Variants in LIPI observed in about 807,000 individuals in gnomAD.
LIPI encodes the protein lipase I, also known as lipase member I.
In LIPI, 59 loss-of-function variants were observed where a neutral mutation model predicts 50.6. The ratio of observed to expected loss-of-function variants is 1.16; its 90% CI spans 0.94 to 1.45. LIPI has a LOEUF of 1.45. Among genes scored for constraint, LIPI ranks in the 40% most tolerant of loss-of-function variants. The pLI, the probability that LIPI is intolerant of heterozygous loss-of-function variation, is 0.00. For missense variants in LIPI, 586 were observed against 536.3 expected (o/e 1.09, Z -0.92); for synonymous variants, 203 against 178.2 (o/e 1.14, Z -1.11).
At chr21:14,192,326 G>A (rs2019704972) in intron 1 of LIPI, among the ~76,000 whole-genome samples, 1 of 152,036 alleles carries the variant, frequency 6.6e-6, no homozygotes, top group Admixed American at 6.5e-5. Flanking sequence ...TTAGCTGGGT[G>A]TGGTTGTGGG....
chr21:14,127,935 G>A (rs922790315), intron 9 of LIPI, among the ~76,000 whole-genome samples: 12 of 151,854 alleles, frequency 7.9e-5, no homozygotes, highest in African/African-American at 2.9e-4. Context: ...GAAAAATGAA[G>A]GATCCAATAA....
In LIPI at chr21:14,195,631, G is replaced by GA. The variant is rs532988555; in HGVS notation, c.47-6213dup. 7.2e-5 allele frequency among the ~76,000 whole-genome samples: 11 copies of GA among 152,194 alleles called. No individual in the cohort carries two copies. In the South Asian group the frequency reaches 2.1e-3, roughly 29 times the overall value. The stretch of plus-strand genomic sequence containing the variant: ...TACGATACACAGTAAACATGAAACA[G>GA]AAAAAAGTGATAAATTGGGCTTTTA... On this transcript the variant is annotated intron_variant, in intron 1 of 9. Coordinates refer to ENST00000681601, the MANE Select transcript of LIPI (RefSeq NM_001302998.2).
At chr21:14,154,863 C>T (rs1001344529) in intron 7 of LIPI, among the ~76,000 whole-genome samples, 1 of 151,944 alleles carries the variant, frequency 6.6e-6, no homozygotes, top group African/African-American at 2.4e-5. Flanking sequence ...TTAAATAGAT[C>T]TCAGATTTTG....
At chr21:14,166,739 C>T (rs1283563698) in intron 4 of LIPI, among the ~76,000 whole-genome samples, 2 of 152,106 alleles carry the variant, frequency 1.3e-5, no homozygotes, top group Admixed American at 1.3e-4. Context: ...GCCAAGATGG[C>T]CGAATAGGAA....
intron 1 of LIPI, among the ~76,000 whole-genome samples, chr21:14,196,172 AC>A (rs2019843708): frequency 7.2e-6 from 1 of 138,332 alleles, no homozygotes. Context: ...AAAAAACAAA[AC>A]AAGAAGTATA....
chr21:14,132,704 T>A (rs1346938905), intron 9 of LIPI, among the ~76,000 whole-genome samples: 6 of 151,666 alleles, frequency 4.0e-5, no homozygotes, highest in Non-Finnish European at 8.8e-5. Context: ...CTACAGAATC[T>A]CATAAAACCA....
chr21:14,199,641 A>T (rs769425728), intron 1 of LIPI, among the ~76,000 whole-genome samples: 12 of 151,524 alleles, frequency 7.9e-5, no homozygotes, highest in Non-Finnish European at 1.5e-4. Context: ...CTGGGACCAC[A>T]TGTATTCACA....
Position 14,108,996 on chromosome 21 carries a change from T to G in LIPI, c.1380A>C (p.Thr460=). 1 of 1,610,786 alleles carries G rather than the reference T, an allele frequency of 6.2e-7. No homozygotes were observed. The highest frequency in any genetic ancestry group is 8.5e-7 in the Non-Finnish European group (1 of 1,177,318). Residue 460 remains threonine (T), a synonymous_variant, in exon 10 of 10, where the codon ACA becomes ACC. Coordinates refer to ENST00000681601, the MANE Select transcript of LIPI (RefSeq NM_001302998.2). The part of the protein sequence containing the change: ...LNPNTCTPKN[T] ...GCATTTGATGGAAGAAGGCATCTTA[T>G]GTGTTCTTTGGTGTACATGTGTTTG... is the stretch of plus-strand genomic sequence containing the variant.
intron 9 of LIPI, among the ~76,000 whole-genome samples, chr21:14,132,103 A>G (rs1323266768): frequency 6.6e-6 from 1 of 152,194 alleles, no homozygotes; most frequent in Non-Finnish European, 1.5e-5. Flanking sequence ...AATTATTGGT[A>G]TTCCAAAGAA....
rs1600913427 is a variant in LIPI, at chr21:14,184,538, A to G, written c.541+1423T>C. Among the ~76,000 whole-genome samples the G allele has an allele frequency of 2.6e-5, 4 of 152,182 alleles. No individual in the cohort carries two copies. The East Asian group carries it at 7.7e-4, about 29-fold the overall frequency. On this transcript the variant is annotated intron_variant, in intron 3 of 9. Coordinates refer to ENST00000681601, the MANE Select transcript of LIPI (RefSeq NM_001302998.2). ...AAAATTCCTAGAAAAAAAGTAAAAT[A>G]TAATGTTTTTCATTTCAAAAACCTC...
chr21:14,119,983 C>A (rs762457931), intron 9 of LIPI, among the ~76,000 whole-genome samples: 5 of 152,164 alleles, frequency 3.3e-5, no homozygotes, highest in Non-Finnish European at 7.3e-5. Flanking sequence ...GCTAAGATAT[C>A]AAGGGCTCCT....
chr21:14,163,949 G>A (rs751483746), intron 6 of LIPI, among the ~76,000 whole-genome samples: 3 of 150,972 alleles, frequency 2.0e-5, no homozygotes, highest in Non-Finnish European at 4.4e-5. Flanking sequence ...ATACAGATAT[G>A]GCATGCATGT....
At chr21:14,137,678 G>T (rs1378024312) in intron 9 of LIPI, among the ~76,000 whole-genome samples, 1 of 152,094 alleles carries the variant, frequency 6.6e-6, no homozygotes, top group African/African-American at 2.4e-5. Flanking sequence ...TATTCAAAGG[G>T]ATAATAACTG....
intron 4 of LIPI, among the ~76,000 whole-genome samples, chr21:14,175,186 G>A (rs1445454898): frequency 6.8e-6 from 1 of 146,022 alleles, no homozygotes; most frequent in Non-Finnish European, 1.6e-5. Flanking sequence ...TACATCTGTT[G>A]GTTACATACC....
rs746433684 is a variant in LIPI at position 14,166,577 on chromosome 21, TGTTTTTATAAAGATAA to T, written c.644-142_644-127del. On this transcript the variant is annotated intron_variant, in intron 4 of 9. Coordinates refer to ENST00000681601, the MANE Select transcript of LIPI (RefSeq NM_001302998.2). ...AAATATTAGAATTGAAAATAAGTGC[TGTTTTTATAAAGATAA>T]GTTTTTCTTCTATAATTCCTTCATG... 537 of 669,126 alleles carry T rather than the reference TGTTTTTATAAAGATAA, an allele frequency of 8.0e-4. 1 individual carries two copies. The highest frequency in any genetic ancestry group is 1.2e-3 in the Non-Finnish European group (461 of 373,180). 41.4% of individuals were successfully genotyped at this position (669,126 alleles called of 1,614,324 possible).
chr21:14,195,852 C>T lies in LIPI; in HGVS notation c.47-6433G>A, dbSNP rs565245283. Among the ~76,000 whole-genome samples the T allele has an allele frequency of 2.5e-4, 38 of 152,116 alleles. No individual in the cohort carries two copies. In the South Asian group the frequency reaches 5.0e-3, roughly 20 times the overall value. On this transcript the variant is annotated intron_variant, in intron 1 of 9. Coordinates refer to ENST00000681601, the MANE Select transcript of LIPI (RefSeq NM_001302998.2). ...TCTAAGAAGCTCAAGAAATAATACT[C>T]GACATCACTAGTCATCAAAACAATG...
intron 4 of LIPI, among the ~76,000 whole-genome samples, chr21:14,170,264 C>G (rs934041519): frequency 2.0e-5 from 3 of 152,212 alleles, no homozygotes; most frequent in African/African-American, 7.2e-5. Context: ...GATGGATTCA[C>G]AGCCGAATTC....
intron 4 of LIPI, among the ~76,000 whole-genome samples, chr21:14,169,622 A>G (rs985731396): frequency 2.0e-5 from 3 of 152,258 alleles, no homozygotes; most frequent in Non-Finnish European, 2.9e-5. Flanking sequence ...TACTGGGTAC[A>G]TAACGAAATG....
intron 9 of LIPI, among the ~76,000 whole-genome samples, chr21:14,128,920 A>T (rs887180750): frequency 5.9e-5 from 9 of 152,078 alleles, no homozygotes; most frequent in African/African-American, 2.2e-4. Flanking sequence ...TATAGTTCTC[A>T]GAGTGAGAAT....
Sources: gnomAD v4.1 joint callset for allele counts (sites outside exome capture counted in the v4.1 genomes callset) on GRCh38, gnomAD v4.1.1 for gene constraint, MANE v1.5 for transcripts, NCBI Gene and HGNC (gene_info 2026-07-23, HGNC 2026-07-21) for gene names.